Variants in NFXL1 observed in about 807,000 individuals in gnomAD.
NFXL1 encodes the protein nuclear transcription factor, X-box binding like 1.
NFXL1 carries 66 observed loss-of-function variants against 123.3 expected under a neutral mutation model. That is an observed-to-expected ratio of 0.54 (90% confidence interval 0.44 to 0.66). NFXL1 has a LOEUF of 0.66. Ranked by LOEUF, NFXL1 falls within the 30% of genes least tolerant of loss-of-function variation. The pLI, the probability that NFXL1 is intolerant of heterozygous loss-of-function variation, is 0.00. For missense variants in NFXL1, 944 were observed against 1,125.6 expected (o/e 0.84, Z 2.31); for synonymous variants, 346 against 360.8 (o/e 0.96, Z 0.46).
At chr4:47,892,327 A>G (rs1016690590) in intron 11 of NFXL1, among the ~76,000 whole-genome samples, 24 of 152,236 alleles carry the variant, frequency 1.6e-4, no homozygotes, top group African/African-American at 5.5e-4. Context: ...AAAGTTGAGT[A>G]GGCAAAATTC....
intron 12 of NFXL1, among the ~76,000 whole-genome samples, chr4:47,890,172 T>C (rs1282252978): frequency 6.6e-6 from 1 of 152,104 alleles, no homozygotes; most frequent in Non-Finnish European, 1.5e-5. Context: ...GACATCAAAA[T>C]GTTTAAAAAT....
intron 17 of NFXL1, chr4:47,876,966 T>TAAAC (rs1182655646): frequency 2.4e-5 from 16 of 654,032 alleles, no homozygotes; most frequent in Non-Finnish European, 3.7e-5. Context: ...ACTGAGCAAA[T>TAAAC]ATTAGGCAGT....
At chr4:47,868,351 A>G (rs6447589) in intron 18 of NFXL1, among the ~76,000 whole-genome samples, 50,661 of 149,948 alleles carry the variant, frequency 0.34, 9,004 homozygotes, top group East Asian at 0.59. Flanking sequence ...AAAAAGAAAA[A>G]AAGGTCGGAA....
chr4:47,904,303 CAATGTTGCTGCAAGGGGCTTT>C (rs1436058883), intron 4 of NFXL1, among the ~76,000 whole-genome samples: 1 of 152,194 alleles, frequency 6.6e-6, no homozygotes, highest in Non-Finnish European at 1.5e-5. Context: ...CCCTGTGGTG[CAATGTTGCTGCAAGGGGCTTT>C]AACTCCCCAG....
intron 12 of NFXL1, among the ~76,000 whole-genome samples, chr4:47,888,936 A>G (rs1032090678): frequency 2.0e-5 from 3 of 152,222 alleles, no homozygotes; most frequent in Admixed American, 6.5e-5. Flanking sequence ...TGTTAACTAC[A>G]TTTAGGTTAA....
intron 5 of NFXL1, among the ~76,000 whole-genome samples, chr4:47,900,928 G>A (rs1160529719): frequency 2.6e-5 from 4 of 152,268 alleles, no homozygotes; most frequent in African/African-American, 7.2e-5. Context: ...CGCTTTGTTG[G>A]AAGAGTTCAA....
intron 18 of NFXL1, among the ~76,000 whole-genome samples, chr4:47,873,958 T>C (rs559156023): frequency 1.3e-5 from 2 of 152,364 alleles, no homozygotes; most frequent in Middle Eastern, 3.4e-3. Flanking sequence ...TGCTTCACCT[T>C]GCACTTTTAT....
intron 9 of NFXL1, among the ~76,000 whole-genome samples, chr4:47,897,001 C>T (rs954446372): frequency 1.3e-5 from 2 of 152,116 alleles, no homozygotes; most frequent in East Asian, 3.8e-4. Context: ...AACTACCCCA[C>T]AAAGACAAAA....
At chr4:47,874,264 TA>T (rs1163204057) in intron 18 of NFXL1, among the ~76,000 whole-genome samples, 1 of 152,220 alleles carries the variant, frequency 6.6e-6, no homozygotes, top group Non-Finnish European at 1.5e-5. Flanking sequence ...GCAAGAGACC[TA>T]ACTTTTAGCC....
At chr4:47,859,782 T>C (rs1240577017) in intron 19 of NFXL1, among the ~76,000 whole-genome samples, 2 of 127,430 alleles carry the variant, frequency 1.6e-5, no homozygotes, top group Admixed American at 2.1e-4. Context: ...GTGGAGGTTG[T>C]AGTGAGCCAA....
chr4:47,877,583 T>A (rs1681046510), intron 17 of NFXL1, among the ~76,000 whole-genome samples: 1 of 152,212 alleles, frequency 6.6e-6, no homozygotes, highest in South Asian at 2.1e-4. Context: ...TTAGTTTGAT[T>A]TTATAATTCT....
intron 17 of NFXL1, among the ~76,000 whole-genome samples, chr4:47,877,813 A>G (rs1735846953): frequency 6.6e-6 from 1 of 152,090 alleles, no homozygotes. Context: ...TGTAAATTTA[A>G]TGTTAATAAT....
intron 17 of NFXL1, among the ~76,000 whole-genome samples, chr4:47,877,993 T>C (rs1329575599): frequency 6.6e-6 from 1 of 152,024 alleles, no homozygotes; most frequent in East Asian, 1.9e-4. Context: ...AAAAGCTGAG[T>C]TCTCATACAC....
intron 19 of NFXL1, among the ~76,000 whole-genome samples, chr4:47,861,250 G>A (rs1734750605): frequency 6.6e-6 from 1 of 152,146 alleles, no homozygotes; most frequent in African/African-American, 2.4e-5. Flanking sequence ...AACGTCAAGA[G>A]ACCATAAACG....
At chr4:47,912,760 A>T (rs1277137529) in intron 2 of NFXL1, among the ~76,000 whole-genome samples, 5 of 143,454 alleles carry the variant, frequency 3.5e-5, no homozygotes, top group Non-Finnish European at 4.6e-5. Flanking sequence ...GCCCGGACAG[A>T]ATGCTTGTTT....
chr4:47,900,642 T>G (rs1737318491), intron 5 of NFXL1, among the ~76,000 whole-genome samples: 1 of 152,254 alleles, frequency 6.6e-6, no homozygotes. Flanking sequence ...ATCAAAAATA[T>G]ACTTGTAGAT....
chr4:47,913,521 G>A (rs904135711), intron 2 of NFXL1, among the ~76,000 whole-genome samples: 1 of 152,198 alleles, frequency 6.6e-6, no homozygotes, highest in Admixed American at 6.5e-5. Flanking sequence ...AATCTAAATG[G>A]GATTTCTGTG....
At chr4:47,860,183 T>C (rs954528073) in intron 19 of NFXL1, among the ~76,000 whole-genome samples, 1 of 152,164 alleles carries the variant, frequency 6.6e-6, no homozygotes, top group Non-Finnish European at 1.5e-5. Flanking sequence ...CATTCCACAA[T>C]GTATACATAT....
At chr4:47,912,083 GC>G (rs1421642424) in intron 2 of NFXL1, among the ~76,000 whole-genome samples, 1 of 152,056 alleles carries the variant, frequency 6.6e-6, no homozygotes, top group Non-Finnish European at 1.5e-5. Context: ...TCTTATTGCA[GC>G]CAGTTTGGTT....
Sources: gnomAD v4.1 joint callset for allele counts (sites outside exome capture counted in the v4.1 genomes callset) on GRCh38, gnomAD v4.1.1 for gene constraint, MANE v1.5 for transcripts, NCBI Gene and HGNC (gene_info 2026-07-23, HGNC 2026-07-21) for gene names.